The following DCHS2 variants were observed in gnomAD, a reference collection of about 807,000 sequenced individuals.
DCHS2 encodes dachsous cadherin-related 2.
DCHS2 carries 142 observed loss-of-function variants against 182.4 expected under a neutral mutation model. The ratio of observed to expected loss-of-function variants is 0.78; its 90% CI spans 0.68 to 0.89. The LOEUF is 0.89. Among genes scored for constraint, DCHS2 ranks in the 40% least tolerant of loss-of-function variants. The pLI is 0.00. For synonymous variants in DCHS2, 1,740 were observed against 1,663.3 expected (o/e 1.05, Z -1.12); for missense variants, 4,319 against 4,198.6 (o/e 1.03, Z -0.79).
intron 7 of DCHS2, among the ~76,000 whole-genome samples, chr4:154,325,333 G>C (rs200060259): frequency 8.0e-5 from 12 of 150,274 alleles, no homozygotes; most frequent in African/African-American, 2.9e-4. Context: ...GTGTGTGTGT[G>C]TGTGTGTGTG....
chr4:154,490,141 G>T lies in DCHS2; in HGVS notation c.1215C>A (p.Asp405Glu). 2 of 1,548,304 alleles carry T rather than the reference G, an allele frequency of 1.3e-6. No individual in the cohort carries two copies. The highest frequency in any genetic ancestry group is 2.4e-5 in the East Asian group (1 of 40,822). Reference protein sequence around the residue: ...ATVRVSIAVLDVNDNRPAIHV... With the variant: ...ATVRVSIAVLEVNDNRPAIHV... ...GAATTGCTGGCCGGTTGTCATTCAC[G>T]TCCAGCACGGCGATGGACACGCGCA... The change falls in exon 1 of 20, where the codon GAC becomes GAA. Residue 405 changes from aspartate to glutamate, a missense_variant. Physicochemically the swap from Asp to Glu is conservative, Grantham distance 45. Transcript: ENST00000357232.
chr4:154,482,681 G>A (rs1735966970), intron 1 of DCHS2, among the ~76,000 whole-genome samples: 1 of 152,214 alleles, frequency 6.6e-6, no homozygotes, highest in African/African-American at 2.4e-5. Context: ...GAGAAATGGA[G>A]TGATTGAGAA....
At chr4:154,371,762 A>G (rs1730656691) in intron 2 of DCHS2, among the ~76,000 whole-genome samples, 1 of 152,106 alleles carries the variant, frequency 6.6e-6, no homozygotes, top group Non-Finnish European at 1.5e-5. Context: ...GGAGCAAGAG[A>G]GAAGGCGGAG....
chr4:154,454,198 G>T lies in DCHS2; in HGVS notation c.2052+35106C>A, dbSNP rs1263353166. The stretch of plus-strand genomic sequence containing the variant: ...GATGTACTCAGCATAACATGCTCAG[G>T]CCTTTCAAAAGAAATTGTTTTAATC... On this transcript the variant is annotated intron_variant, in intron 1 of 19. Coordinates refer to ENST00000357232, the MANE Select transcript of DCHS2 (RefSeq NM_001358235.2). Among the ~76,000 whole-genome samples, 8 of 152,018 alleles carry T rather than the reference G, an allele frequency of 5.3e-5. No individual in the cohort carries two copies. The East Asian group carries it at 1.5e-3, about 29-fold the overall frequency.
Position 154,491,312 on chromosome 4 carries a change from C to T in DCHS2, c.44G>A (p.Arg15Gln), listed in dbSNP as rs13149269. 689,936 of 1,547,450 alleles carry T rather than the reference C, an allele frequency of 0.45. 156,086 individuals carry two copies. Among genetic ancestry groups the T allele is most frequent in the Admixed American group, 0.49 (24,982 of 50,830 alleles). Residue 15 changes from arginine to glutamine, a missense_variant, in exon 1 of 20, where the codon CGG becomes CAG. Coordinates refer to ENST00000357232, the MANE Select transcript of DCHS2 (RefSeq NM_001358235.2). ...GRKMGEGRQQRRAPVGKLLLL... is the reference protein window; with the variant it reads ...GRKMGEGRQQQRAPVGKLLLL... ...AAGGAGCTTCCCGACCGGAGCCCGC[C>T]GCTGCTGACGCCCTTCGCCCATCTT... is the stretch of plus-strand genomic sequence containing the variant.
rs572870921 is a variant in DCHS2, at chr4:154,489,855, T to C, written c.1501A>G (p.Ser501Gly). The change falls in exon 1 of 20, where the codon AGC (serine) becomes GGC (glycine). Residue 501 changes from serine to glycine, a missense_variant. By Grantham distance (56) the Ser-to-Gly change is moderately conservative (BLOSUM62 0). Transcript: ENST00000357232. ...AGTAGTAACTCATACAGATCGCGGC[T>C]CTCTCTGTCCAGGGGCCCCTCCACG... The part of the protein sequence containing the change: ...LCVEGPLDRE[S>G]RDLYELLLVA... The C allele has an allele frequency of 6.5e-7, 1 of 1,547,826 alleles. No individual in the cohort carries two copies. The highest frequency in any genetic ancestry group is 2.5e-5 in the East Asian group (1 of 40,732).
At position 154,320,751 on chromosome 4, in the gene DCHS2, T is replaced by G. The variant is rs762270406; in HGVS notation, c.4648A>C (p.Ile1550Leu). ...SFLNSRIQYY[I>L]ESHNPGTNPF... is the part of the protein sequence containing the mutation. ...TTCGTGCCAGGGTTGTGGGATTCAA[T>G]GTAGTATTGTATTCTACTGTTCAAA... Residue 1550 changes from isoleucine (I) to leucine (L), a missense_variant, in exon 9 of 20, where the codon ATT (isoleucine) becomes CTT (leucine). Coordinates refer to ENST00000357232, the MANE Select transcript of DCHS2 (RefSeq NM_001358235.2). 3.7e-6 allele frequency: 6 copies of G among 1,614,018 alleles called. No individual in the cohort carries two copies. Among genetic ancestry groups the G allele is most frequent in the Non-Finnish European group, 5.1e-6 (6 of 1,180,022 alleles).
At chr4:154,334,824 T>C (rs1728711800) in intron 4 of DCHS2, 44 bp downstream of exon 4, 1 of 1,472,428 alleles carries the variant, frequency 6.8e-7, no homozygotes. Flanking sequence ...ACAAGAAATG[T>C]TCCAATAATG....
At chr4:154,368,316 C>G (rs1312417880) in intron 2 of DCHS2, among the ~76,000 whole-genome samples, 4 of 152,090 alleles carry the variant, frequency 2.6e-5, no homozygotes, top group African/African-American at 9.7e-5. Context: ...TTTTCCTTTC[C>G]CCTTCCTCTT....
intron 1 of DCHS2, among the ~76,000 whole-genome samples, chr4:154,435,783 A>G (rs1223549474): frequency 6.6e-6 from 1 of 152,226 alleles, no homozygotes; most frequent in Non-Finnish European, 1.5e-5. Context: ...TGAAGGTTTT[A>G]TAGAGGACTT....
At chr4:154,435,655 C>T (rs950376074) in intron 1 of DCHS2, among the ~76,000 whole-genome samples, 1 of 151,896 alleles carries the variant, frequency 6.6e-6, no homozygotes, top group African/African-American at 2.4e-5. Flanking sequence ...TAATGAATAC[C>T]TCTGGCCAAT....
Position 154,332,669 on chromosome 4 carries a change from C to G in DCHS2, c.3539G>C (p.Arg1180Pro). 6.2e-7 allele frequency: 1 copy of G among 1,614,230 alleles called. No individual in the cohort carries two copies. Among genetic ancestry groups the G allele is most frequent in the Non-Finnish European group, 8.5e-7 (1 of 1,180,036 alleles). ...LQNVSTTVIV[R>P]VWDENDNSPT... ...GGAATTGTCATTCTCATCCCAGACACGAACAATGACTGTAGTGCTCACATT... is the reference window on the plus strand; with the variant it reads ...GGAATTGTCATTCTCATCCCAGACAGGAACAATGACTGTAGTGCTCACATT... The change falls in exon 5 of 20, where the codon CGT becomes CCT. Residue 1180 changes from arginine (R) to proline (P), a missense_variant. Physicochemically the swap from Arg to Pro is moderately radical, Grantham distance 103. Transcript: ENST00000357232.
rs1243781774 is a variant in DCHS2 at position 154,298,434 on chromosome 4, C to CT, written c.5879dup (p.Asp1961GlyfsTer2). Reference sequence around the variant, plus strand: ...CAGTTTGCCCATTCAGGCCTTCATCCTTGTCCACAGCTGAAAGCACAAGAA... The same window carrying CT: ...CAGTTTGCCCATTCAGGCCTTCATCCTTTGTCCACAGCTGAAAGCACAAGAA... On this transcript the variant is annotated frameshift_variant, in exon 13 of 20. Transcript: ENST00000357232. LOFTEE classifies it high-confidence loss of function. 3.1e-6 allele frequency: 5 copies of CT among 1,614,060 alleles called. No individual in the cohort carries two copies. The highest frequency in any genetic ancestry group is 3.3e-5 in the Admixed American group (2 of 60,008).
At chr4:154,362,986 G>C (rs757637727) in intron 3 of DCHS2, among the ~76,000 whole-genome samples, 1 of 152,076 alleles carries the variant, frequency 6.6e-6, no homozygotes, top group Non-Finnish European at 1.5e-5. Context: ...TTAAGTTTTG[G>C]GGGAGTCAGA....
In DCHS2 at chr4:154,320,703, A is replaced by G. The variant is rs769615866; in HGVS notation, c.4696T>C (p.Phe1566Leu). ...CGGGACACAGTGACTAGTGTGCCAA[A>G]TGAGGGGTGGATGAGAAATGGATTC... ...GTNPFLIHPS[F>L]GTLVTVSRLD... The change falls in exon 9 of 20, where the codon TTT becomes CTT. Residue 1566 changes from phenylalanine to leucine, a missense_variant. Transcript: ENST00000357232. The G allele has an allele frequency of 1.2e-6, 2 of 1,613,974 alleles. No individual in the cohort carries two copies. The highest frequency in any genetic ancestry group is 4.5e-5 in the East Asian group (2 of 44,894).
At chr4:154,304,367 G>A (rs1343540155) in intron 12 of DCHS2, among the ~76,000 whole-genome samples, 1 of 152,100 alleles carries the variant, frequency 6.6e-6, no homozygotes, top group Non-Finnish European at 1.5e-5. Flanking sequence ...CTGTGAGAAG[G>A]AGGTAGAGAG....
chr4:154,337,256 C>A (rs893092906), intron 3 of DCHS2, among the ~76,000 whole-genome samples: 1 of 152,184 alleles, frequency 6.6e-6, no homozygotes, highest in Non-Finnish European at 1.5e-5. Context: ...AACATCCCCA[C>A]TCACCAGGTA....
intron 1 of DCHS2, among the ~76,000 whole-genome samples, chr4:154,461,663 C>A (rs1164952405): frequency 6.6e-6 from 1 of 152,078 alleles, no homozygotes; most frequent in African/African-American, 2.4e-5. Context: ...ATGAAATACA[C>A]TCTAAATATT....
chr4:154,289,768 C>T (rs1734565396), intron 13 of DCHS2, among the ~76,000 whole-genome samples: 1 of 152,084 alleles, frequency 6.6e-6, no homozygotes, highest in Admixed American at 6.5e-5. Flanking sequence ...CCCAGGGATG[C>T]AAGGATGGTT....
Sources: gnomAD v4.1 joint callset for allele counts (sites outside exome capture counted in the v4.1 genomes callset) on GRCh38, gnomAD v4.1.1 for gene constraint, MANE v1.5 for transcripts, NCBI Gene and HGNC (gene_info 2026-07-23, HGNC 2026-07-21) for gene names.